Variants in CDC123 observed in about 807,000 individuals in gnomAD.
CDC123 encodes cell division cycle 123, also known as translation initiation factor eIF2 assembly protein.
Under a neutral mutation model 54.4 loss-of-function variants are expected in CDC123, and 37 were observed. The observed-to-expected ratio is 0.68, with a 90% CI of 0.52 to 0.89. The LOEUF (loss-of-function observed/expected upper bound fraction) is 0.89, where lower values mean the gene tolerates loss of function less well. CDC123 is among the 40% of genes least tolerant of loss of function. CDC123 has a pLI of 0.00. For missense variants in CDC123, 361 were observed against 412.1 expected (o/e 0.88, Z 1.07); for synonymous variants, 144 against 136.8 (o/e 1.05, Z -0.37).
chr10:12,207,225 G>T (rs12773913), intron 2 of CDC123, among the ~76,000 whole-genome samples: 76,834 of 151,444 alleles, frequency 0.51, 20,623 homozygotes, highest in Middle Eastern at 0.63. Context: ...TTCTCTTTCC[G>T]TGTCTTTTTT....
At chr10:12,244,648 CTT>C (rs33998192) in intron 10 of CDC123, 150 of 125,902 alleles carry the variant, frequency 1.2e-3, no homozygotes, top group Admixed American at 1.5e-3. Flanking sequence ...TTTCTTTTTT[CTT>C]TTTTTTTTTT....
intron 6 of CDC123, 25 bp from the exon 7 acceptor site, chr10:12,230,923 G>A (rs763736435): frequency 8.7e-6 from 14 of 1,608,930 alleles, no homozygotes; most frequent in Non-Finnish European, 1.1e-5. Context: ...AAAAGATTCA[G>A]TTGCCTTTTC....
intron 1 of CDC123, among the ~76,000 whole-genome samples, chr10:12,196,797 G>A (rs1835357806): frequency 1.3e-5 from 2 of 152,164 alleles, no homozygotes; most frequent in South Asian, 4.1e-4. Flanking sequence ...AACGGAGAGT[G>A]GATGTTAGTG....
In CDC123 at chr10:12,209,833, G is replaced by A. The variant is rs538495887; in HGVS notation, c.147-134G>A. 132 of 778,790 alleles carry A rather than the reference G, an allele frequency of 1.7e-4. 1 individual carries two copies. In the African/African-American group the frequency reaches 2.0e-3, roughly 12 times the overall value. 48.2% of individuals were successfully genotyped at this position (778,790 alleles called of 1,614,324 possible). A position where few individuals can be genotyped will look rare whatever the true frequency, so the allele number is the denominator to read the frequency against. On this transcript the variant is annotated intron_variant, in intron 2 of 12. Transcript: ENST00000281141. ...ACTCACTCAGCCTGCCAGAGTGCTA[G>A]GATTACAGGTGTGAGCCACCACACC... is the stretch of plus-strand genomic sequence containing the variant.
At chr10:12,207,389 G>T (rs1480403596) in intron 2 of CDC123, among the ~76,000 whole-genome samples, 1 of 152,070 alleles carries the variant, frequency 6.6e-6, no homozygotes, top group Non-Finnish European at 1.5e-5. Context: ...GGATATTAAT[G>T]ATTTTTAAAA....
At position 12,230,929 on chromosome 10, in the gene CDC123, T is replaced by G; in HGVS notation, c.441-19T>G. 6.2e-7 allele frequency: 1 copy of G among 1,610,618 alleles called. No individual in the cohort carries two copies. Among genetic ancestry groups the G allele is most frequent in the South Asian group, 1.1e-5 (1 of 90,246 alleles). ...CCAGTAACAAAAAGATTCAGTTGCC[T>G]TTTCTTCTTCTTCCAAAGGTTTATT... On this transcript the variant is annotated intron_variant, in intron 6 of 12. Transcript: ENST00000281141.
intron 2 of CDC123, 49 bp downstream of exon 2, chr10:12,198,825 C>A: frequency 1.0e-6 from 1 of 991,286 alleles, no homozygotes; most frequent in Non-Finnish European, 1.6e-6. Context: ...TAAAGAAACA[C>A]ATAAAATGAA....
intron 10 of CDC123, among the ~76,000 whole-genome samples, chr10:12,239,171 T>C (rs1836020766): frequency 6.6e-6 from 1 of 151,846 alleles, no homozygotes; most frequent in African/African-American, 2.4e-5. Context: ...AAATTTTTTT[T>C]TTTTTCTCAC....
intron 6 of CDC123, among the ~76,000 whole-genome samples, chr10:12,226,822 G>A (rs1019485677): frequency 5.3e-5 from 8 of 152,068 alleles, no homozygotes; most frequent in African/African-American, 1.9e-4. Context: ...TGGGCGGCCA[G>A]GCAGAGACGC....
At chr10:12,235,014 G>T in intron 7 of CDC123, 34 bp from the exon 8 acceptor site, 1 of 1,521,908 alleles carries the variant, frequency 6.6e-7, no homozygotes. Context: ...CCACATAGGT[G>T]TGTTATATTA....
chr10:12,238,358 T>G, intron 9 of CDC123, 99 bp from the exon 10 acceptor site: 7 of 1,359,190 alleles, frequency 5.2e-6, no homozygotes, highest in Non-Finnish European at 7.1e-6. Flanking sequence ...GTCATTTATA[T>G]TCTGCTGTCT....
At chr10:12,240,365 C>T (rs530972270) in intron 10 of CDC123, among the ~76,000 whole-genome samples, 5 of 152,270 alleles carry the variant, frequency 3.3e-5, no homozygotes, top group African/African-American at 4.8e-5. Flanking sequence ...ATTCTCTCTC[C>T]GTGCTTAGAT....
chr10:12,203,301 G>A (rs1426193544), intron 2 of CDC123, among the ~76,000 whole-genome samples: 1 of 152,232 alleles, frequency 6.6e-6, no homozygotes, highest in African/African-American at 2.4e-5. Context: ...GTATAGTCTT[G>A]TTTACAGTTA....
intron 2 of CDC123, among the ~76,000 whole-genome samples, chr10:12,202,779 C>T (rs1285458592): frequency 6.6e-6 from 1 of 152,210 alleles, no homozygotes; most frequent in Non-Finnish European, 1.5e-5. Flanking sequence ...CTTTGGGAGC[C>T]CAAGGCGGGC....
Position 12,246,558 on chromosome 10 carries a change from C to T in CDC123, c.846+281C>T, listed in dbSNP as rs1473430425. Reference sequence around the variant, plus strand: ...TGGAGGAATCTTGGTCCCAGATCAGCTCATGCATCTGTTCCTTCTGACCCC... The same window carrying T: ...TGGAGGAATCTTGGTCCCAGATCAGTTCATGCATCTGTTCCTTCTGACCCC... On this transcript the variant is annotated intron_variant, in intron 11 of 12. Transcript: ENST00000281141. 1.7e-5 allele frequency: 5 copies of T among 292,466 alleles called. No individual in the cohort carries two copies. In the East Asian group the frequency reaches 3.8e-4, roughly 22 times the overall value. 18.1% of individuals were successfully genotyped at this position (292,466 alleles called of 1,614,324 possible). A position where few individuals can be genotyped will look rare whatever the true frequency, so the allele number is the denominator to read the frequency against.
intron 2 of CDC123, among the ~76,000 whole-genome samples, chr10:12,204,992 CAAAA>C (rs35683792): frequency 4.7e-5 from 3 of 64,466 alleles, no homozygotes; most frequent in Non-Finnish European, 6.5e-5. Flanking sequence ...GACTCCATAT[CAAAA>C]AAAAAAAAAA....
chr10:12,249,528 T>C (rs1489097582), intron 11 of CDC123, 53 bp from the exon 12 acceptor site: 1 of 1,567,692 alleles, frequency 6.4e-7, no homozygotes, highest in Non-Finnish European at 8.7e-7. Flanking sequence ...GTTCACAGAA[T>C]AGGCCTAAAA....
chr10:12,249,732 G>T lies in CDC123; in HGVS notation c.984+14G>T, dbSNP rs369001669. On this transcript the variant is annotated intron_variant, in intron 12 of 12. Coordinates refer to ENST00000281141, the MANE Select transcript of CDC123 (RefSeq NM_006023.3). ...TTCCTTAAGCTGGTAAAGTCTATGTGCATTTAGTATGCTGGCCATCTTTTC... is the reference window on the plus strand; with the variant it reads ...TTCCTTAAGCTGGTAAAGTCTATGTTCATTTAGTATGCTGGCCATCTTTTC... The T allele has an allele frequency of 8.9e-5, 141 of 1,584,922 alleles. No individual in the cohort carries two copies. Among genetic ancestry groups the T allele is most frequent in the Non-Finnish European group, 1.1e-4 (129 of 1,168,266 alleles).
chr10:12,219,803 G>C (rs537787456), intron 6 of CDC123, among the ~76,000 whole-genome samples: 94 of 151,648 alleles, frequency 6.2e-4, no homozygotes, highest in Admixed American at 1.4e-3. Context: ...TTCTGCCTCA[G>C]CCTCCCAAGT....
Sources: allele counts gnomAD v4.1 joint callset (sites outside exome capture counted in the v4.1 genomes callset), GRCh38; gene constraint gnomAD v4.1.1; transcripts MANE v1.5; gene names NCBI Gene and HGNC (gene_info 2026-07-23, HGNC 2026-07-21).